The following MYO19 variants were observed in gnomAD, a reference collection of about 807,000 sequenced individuals.
MYO19 encodes the protein myosin XIX.
Under a neutral mutation model 129.2 loss-of-function variants are expected in MYO19, and 132 were observed. The ratio of observed to expected loss-of-function variants is 1.02; its 90% CI spans 0.89 to 1.18. The LOEUF (loss-of-function observed/expected upper bound fraction) is 1.18. Ranked by LOEUF, MYO19 falls within the 50% of genes most tolerant of loss-of-function variation. The pLI, the probability that MYO19 is intolerant of heterozygous loss-of-function variation, is 0.00. For missense variants in MYO19, 1,210 were observed against 1,216.7 expected (o/e 0.99, Z 0.08); for synonymous variants, 531 against 477.2 (o/e 1.11, Z -1.47).
chr17:36,513,529 G>T (rs947407698), intron 10 of MYO19, 24 bp from the exon 11 acceptor site: 1 of 1,613,858 alleles, frequency 6.2e-7, no homozygotes. Context: ...CAAGTTCGGG[G>T]CAGAGGTCAG....
chr17:36,527,829 TG>T, intron 4 of MYO19, 130 bp from the exon 5 acceptor site: 3 of 1,157,912 alleles, frequency 2.6e-6, no homozygotes, highest in Non-Finnish European at 3.6e-6. Context: ...AGCAGCTCCC[TG>T]AAGAAAAGAT....
intron 25 of MYO19, 74 bp from the exon 26 acceptor site, chr17:36,496,480 G>A: frequency 2.0e-6 from 3 of 1,475,958 alleles, no homozygotes; most frequent in Non-Finnish European, 2.8e-6. Flanking sequence ...CCACAGAGCA[G>A]ACGCTAAAAA....
Position 36,515,114 on chromosome 17 carries a change from T to C in MYO19, c.616A>G (p.Arg206Gly). 1 of 1,606,404 alleles carries C rather than the reference T, an allele frequency of 6.2e-7. No individual in the cohort carries two copies. The highest frequency in any genetic ancestry group is 1.1e-5 in the South Asian group (1 of 89,172). The change falls in exon 8 of 26, where the codon AGG becomes GGG. Residue 206 changes from arginine to glycine, a missense_variant and splice_region_variant. Coordinates refer to ENST00000614623, the MANE Select transcript of MYO19 (RefSeq NM_001163735.2). ...FGKFIQLQLNRAQQMTGAAVQ... is the reference protein window; with the variant it reads ...FGKFIQLQLNGAQQMTGAAVQ... ...AGCCAGGGCAACAGCAGCTATTACCTGTTCAGCTGGAGCTGGATGAACTTC... is the reference window on the plus strand; with the variant it reads ...AGCCAGGGCAACAGCAGCTATTACCCGTTCAGCTGGAGCTGGATGAACTTC...
intron 24 of MYO19, chr17:36,498,833 T>C: frequency 1.7e-6 from 1 of 593,358 alleles, no homozygotes; most frequent in Non-Finnish European, 3.0e-6. Flanking sequence ...TCTTCTAAAG[T>C]GTACATCCCA....
rs1407777446 is a variant in MYO19 at position 36,513,742 on chromosome 17, G to A, written c.721-17C>T. 6.2e-7 allele frequency: 1 copy of A among 1,609,638 alleles called. No homozygotes were observed. Among genetic ancestry groups the A allele is most frequent in the Non-Finnish European group, 8.5e-7 (1 of 1,177,528 alleles). On this transcript the variant is annotated splice_polypyrimidine_tract_variant and intron_variant, in intron 9 of 25. Coordinates refer to ENST00000614623, the MANE Select transcript of MYO19 (RefSeq NM_001163735.2). ...TTTGCAAATCTGTGGAGAAGGGTAGGTGGGAGGCTGGGTAGGGGGTCTGAG... is the reference window on the plus strand; with the variant it reads ...TTTGCAAATCTGTGGAGAAGGGTAGATGGGAGGCTGGGTAGGGGGTCTGAG...
Position 36,525,310 on chromosome 17 carries a change from T to G in MYO19, c.332A>C (p.Glu111Ala), listed in dbSNP as rs752116969. Residue 111 changes from glutamate to alanine, a missense_variant, in exon 6 of 26, where the codon GAA (glutamate) becomes GCA (alanine). Physicochemically the swap from Glu to Ala is moderately radical, Grantham distance 107. Coordinates refer to ENST00000614623, the MANE Select transcript of MYO19 (RefSeq NM_001163735.2). ...GCTCTTGACATTCCTGTAGGTCTGT[T>G]CACCCACAGTGAACACATGGGGCTT... ...KLKPHVFTVGEQTYRNVKSLI... is the reference protein window; with the variant it reads ...KLKPHVFTVGAQTYRNVKSLI... 1 of 1,613,844 alleles carries G rather than the reference T, an allele frequency of 6.2e-7. No homozygotes were observed. The highest frequency in any genetic ancestry group is 1.1e-5 in the South Asian group (1 of 91,056).
chr17:36,526,373 C>T (rs897537160), intron 5 of MYO19, among the ~76,000 whole-genome samples: 1 of 152,168 alleles, frequency 6.6e-6, no homozygotes, highest in Non-Finnish European at 1.5e-5. Context: ...CTCTTGCCCC[C>T]AAGACCTCCC....
At chr17:36,504,118 C>A (rs1348177238) in intron 19 of MYO19, 98 bp from the exon 20 acceptor site, 24 of 955,970 alleles carry the variant, frequency 2.5e-5, no homozygotes, top group Non-Finnish European at 3.6e-5. Context: ...CTGGCCAGTG[C>A]CAAGCTGCAG....
In MYO19 at chr17:36,507,036, T is replaced by C. The variant is rs1408494228; in HGVS notation, c.1571A>G (p.Glu524Gly). ...PCLGHNKLSREPSFIVVHYAG... is the reference protein window; with the variant it reads ...PCLGHNKLSRGPSFIVVHYAG... ...ATAATGCACCACAATGAAGCTGGGCTCCCGGCTGAGCTTATTGTGGCCCAG... is the reference window on the plus strand; with the variant it reads ...ATAATGCACCACAATGAAGCTGGGCCCCCGGCTGAGCTTATTGTGGCCCAG... The change falls in exon 17 of 26, where the codon GAG becomes GGG. Residue 524 changes from glutamate to glycine, a missense_variant. By Grantham distance (98) the Glu-to-Gly change is moderately conservative. Coordinates refer to ENST00000614623, the MANE Select transcript of MYO19 (RefSeq NM_001163735.2). 1.2e-6 allele frequency: 2 copies of C among 1,613,590 alleles called. No homozygotes were observed. The highest frequency in any genetic ancestry group is 2.7e-5 in the African/African-American group (2 of 74,922).
chr17:36,527,317 G>A (rs1046129290), intron 5 of MYO19, among the ~76,000 whole-genome samples: 1 of 151,868 alleles, frequency 6.6e-6, no homozygotes, highest in Non-Finnish European at 1.5e-5. Flanking sequence ...CTTATTTTAG[G>A]TTCCAAACTC....
intron 14 of MYO19, 142 bp downstream of exon 14, chr17:36,508,920 G>A (rs1056742503): frequency 5.7e-6 from 4 of 697,908 alleles, no homozygotes; most frequent in Non-Finnish European, 5.0e-6. Context: ...CTCGCTCTAT[G>A]CTGGCAGGCA....
intron 11 of MYO19, 73 bp from the exon 12 acceptor site, chr17:36,511,528 G>A (rs2072327204): frequency 7.4e-7 from 1 of 1,344,862 alleles, no homozygotes; most frequent in South Asian, 1.3e-5. Context: ...GGGCCGTTCT[G>A]CTGAGTACAA....
chr17:36,509,639 GC>G, intron 13 of MYO19: 1 of 173,512 alleles, frequency 5.8e-6, no homozygotes, highest in Non-Finnish European at 1.2e-5. Flanking sequence ...TCTAGAACCG[GC>G]CCCAGCCCAG....
chr17:36,522,709 A>G (rs2073212587), intron 6 of MYO19, among the ~76,000 whole-genome samples: 1 of 151,922 alleles, frequency 6.6e-6, no homozygotes, highest in African/African-American at 2.4e-5. Context: ...ACTCTACTAA[A>G]AATATAAAAC....
chr17:36,507,956 C>T (rs1398597175), intron 14 of MYO19, 32 bp from the exon 15 acceptor site: 1 of 1,564,822 alleles, frequency 6.4e-7, no homozygotes, highest in Admixed American at 1.8e-5. Flanking sequence ...CATGGGGCCA[C>T]TGCAGGGAGC....
chr17:36,521,620 G>C (rs925401225), intron 6 of MYO19, among the ~76,000 whole-genome samples: 6 of 152,138 alleles, frequency 3.9e-5, no homozygotes, highest in Non-Finnish European at 7.4e-5. Flanking sequence ...AAAGTACCCA[G>C]CATAATAAGT....
rs148053708 is a variant in MYO19, at chr17:36,532,415, T to C, written c.12+112A>G. 3,502 of 1,280,732 alleles carry C rather than the reference T, an allele frequency of 2.7e-3. 12 individuals are homozygous for C. Among genetic ancestry groups the C allele is most frequent in the East Asian group, 0.023 (917 of 39,656 alleles). The allele number at this position is 1,280,732 out of a possible 1,614,324, so 79.3% of individuals were successfully genotyped here. A position where few individuals can be genotyped will look rare whatever the true frequency, so the allele number is the denominator to read the frequency against. On this transcript the variant is annotated intron_variant, in intron 3 of 25. Transcript: ENST00000614623. ...GAGTAAAAGGCACTGGAGAGACAATTTGAGGAGAGAAAAGAGACCTTTAAG... is the reference window on the plus strand; with the variant it reads ...GAGTAAAAGGCACTGGAGAGACAATCTGAGGAGAGAAAAGAGACCTTTAAG...
At chr17:36,531,391 T>C (rs1257871266) in intron 3 of MYO19, among the ~76,000 whole-genome samples, 1 of 96,254 alleles carries the variant, frequency 1.0e-5, no homozygotes, top group Non-Finnish European at 1.8e-5. Flanking sequence ...TGAGACTCCA[T>C]CTCAAAAAAA....
chr17:36,507,259 A>C, intron 16 of MYO19, 120 bp from the exon 17 acceptor site: 4 of 1,461,870 alleles, frequency 2.7e-6, no homozygotes, highest in Non-Finnish European at 3.7e-6. Context: ...AGTGTCCCCA[A>C]CAGAAAAAAT....
Sources: allele counts gnomAD v4.1 joint callset (sites outside exome capture counted in the v4.1 genomes callset), GRCh38; gene constraint gnomAD v4.1.1; transcripts MANE v1.5; gene names NCBI Gene and HGNC (gene_info 2026-07-23, HGNC 2026-07-21).